The following PRKN variants were observed in gnomAD, a reference collection of about 807,000 sequenced individuals.
PRKN encodes parkin RBR E3 ubiquitin protein ligase.
Under a neutral mutation model 59.5 loss-of-function variants are expected in PRKN, and 56 were observed. The observed-to-expected ratio is 0.94, with a 90% CI of 0.76 to 1.18. The LOEUF (loss-of-function observed/expected upper bound fraction) is 1.18. Among genes scored for constraint, PRKN ranks in the 50% most tolerant of loss-of-function variants. PRKN has a pLI of 0.00. For synonymous variants in PRKN, 250 were observed against 222.1 expected (o/e 1.13, Z -1.12); for missense variants, 657 against 596.4 (o/e 1.10, Z -1.06).
intron 7 of PRKN, among the ~76,000 whole-genome samples, chr6:161,723,754 G>A (rs1787325044): frequency 6.6e-6 from 1 of 152,202 alleles, no homozygotes; most frequent in South Asian, 2.1e-4. Context: ...TCTGGGCACA[G>A]TCCTCCCCAT....
intron 3 of PRKN, among the ~76,000 whole-genome samples, chr6:162,218,611 C>T (rs1418572637): frequency 1.3e-5 from 2 of 152,096 alleles, no homozygotes; most frequent in Admixed American, 1.3e-4. Flanking sequence ...AATATGGAAA[C>T]CATTCATTAA....
rs573232229 is a variant in PRKN at position 162,025,829 on chromosome 6, T to A, written c.618+28262A>T. ...GTGTTGAACTCCTGACCTCAAGTGATCCACCCGCCTCAGCCTCCCAAAGTG... is the reference window on the plus strand; with the variant it reads ...GTGTTGAACTCCTGACCTCAAGTGAACCACCCGCCTCAGCCTCCCAAAGTG... On this transcript the variant is annotated intron_variant, in intron 5 of 11. Coordinates refer to ENST00000366898, the MANE Select transcript of PRKN (RefSeq NM_004562.3). 2.0e-5 allele frequency among the ~76,000 whole-genome samples: 3 copies of A among 151,886 alleles called. No homozygotes were observed. The South Asian group carries it at 6.3e-4, about 32-fold the overall frequency.
intron 6 of PRKN, among the ~76,000 whole-genome samples, chr6:161,953,476 T>A (rs1780060740): frequency 6.6e-6 from 1 of 151,952 alleles, no homozygotes; most frequent in South Asian, 2.1e-4. Flanking sequence ...GGATGGCAGG[T>A]CAAAAGAAGT....
chr6:161,615,778 G>A (rs566310096), intron 7 of PRKN, among the ~76,000 whole-genome samples: 4 of 152,352 alleles, frequency 2.6e-5, no homozygotes, highest in South Asian at 4.1e-4. Flanking sequence ...GGGAGCTGAT[G>A]GCTGCAGTGG....
rs572512695 is a variant in PRKN, at chr6:161,628,206, A to G, written c.872-58790T>C. ...AAGAGTGTAATAATTTGGCTGTTCA[A>G]TTAATTTGGTTTGAAGAAATGAGTG... On this transcript the variant is annotated intron_variant, in intron 7 of 11. Coordinates refer to ENST00000366898, the MANE Select transcript of PRKN (RefSeq NM_004562.3). Among the ~76,000 whole-genome samples, 76 of 152,320 alleles carry G rather than the reference A, an allele frequency of 5.0e-4. No homozygotes were observed. In the South Asian group the frequency reaches 6.0e-3, roughly 12 times the overall value.
chr6:161,482,768 T>G (rs1791469212), intron 9 of PRKN, among the ~76,000 whole-genome samples: 1 of 152,194 alleles, frequency 6.6e-6, no homozygotes, highest in Non-Finnish European at 1.5e-5. Flanking sequence ...CTGGGTCTTG[T>G]TTTTTTCTGC....
At chr6:161,590,463 T>C (rs767986721) in intron 7 of PRKN, among the ~76,000 whole-genome samples, 13 of 152,138 alleles carry the variant, frequency 8.5e-5, no homozygotes, top group Non-Finnish European at 1.8e-4. Context: ...CTGGGCGTGG[T>C]GGCGCACGCC....
intron 6 of PRKN, among the ~76,000 whole-genome samples, chr6:161,921,129 A>G (rs1017605443): frequency 2.6e-5 from 4 of 152,166 alleles, no homozygotes; most frequent in Non-Finnish European, 1.5e-5. Context: ...TGTATTCTAT[A>G]TGCTTTTTTT....
At chr6:161,806,979 T>C (rs1791355680) in intron 6 of PRKN, among the ~76,000 whole-genome samples, 1 of 152,204 alleles carries the variant, frequency 6.6e-6, no homozygotes, top group African/African-American at 2.4e-5. Context: ...CTGAACCTAA[T>C]GAGGATGGTA....
At chr6:162,309,327 A>G (rs1782370938) in intron 2 of PRKN, among the ~76,000 whole-genome samples, 1 of 152,056 alleles carries the variant, frequency 6.6e-6, no homozygotes, top group African/African-American at 2.4e-5. Context: ...ACCATGGCCA[A>G]CTAATTTTTG....
chr6:162,021,167 A>AT (rs1783161957), intron 5 of PRKN, among the ~76,000 whole-genome samples: 1 of 49,820 alleles, frequency 2.0e-5, no homozygotes, highest in Non-Finnish European at 4.3e-5. Context: ...TATATATATA[A>AT]AATATATGTG....
intron 6 of PRKN, among the ~76,000 whole-genome samples, chr6:161,918,822 A>G (rs1778673697): frequency 6.6e-6 from 1 of 152,206 alleles, no homozygotes; most frequent in Non-Finnish European, 1.5e-5. Flanking sequence ...GATGTTTAAT[A>G]TGACTAGTAA....
intron 2 of PRKN, among the ~76,000 whole-genome samples, chr6:162,339,202 G>A (rs9356005): frequency 1.3e-5 from 2 of 151,304 alleles, no homozygotes; most frequent in East Asian, 2.0e-4. Context: ...GAAGTGAGGA[G>A]CGTCTCCGCC....
At position 161,548,045 on chromosome 6, in the gene PRKN, A is replaced by C. The variant is rs142740337; in HGVS notation, c.1083+809T>G. Among the ~76,000 whole-genome samples the C allele has an allele frequency of 6.6e-3, 1,008 of 152,364 alleles. 17 individuals are homozygous for C. Among genetic ancestry groups the C allele is most frequent in the African/African-American group, 0.023 (965 of 41,592 alleles). On this transcript the variant is annotated intron_variant, in intron 9 of 11. Transcript: ENST00000366898. The surrounding 1 kb of genome is among the most constrained non-coding windows in gnomAD (Gnocchi z 4.2). ...CTCTGCTATCTGTGCTCCTTCTTGC[A>C]CAAAACTCCTCATGAAGTTGCAATT... is the stretch of plus-strand genomic sequence containing the variant.
At chr6:162,566,739 A>G (rs1780098750) in intron 1 of PRKN, among the ~76,000 whole-genome samples, 1 of 152,180 alleles carries the variant, frequency 6.6e-6, no homozygotes, top group Non-Finnish European at 1.5e-5. Flanking sequence ...TACTCAAACT[A>G]TTCCAAAAGA....
intron 6 of PRKN, among the ~76,000 whole-genome samples, chr6:161,858,565 C>T (rs1309373519): frequency 2.0e-5 from 3 of 152,140 alleles, no homozygotes; most frequent in Non-Finnish European, 4.4e-5. Context: ...CTTCTGCTCT[C>T]TGAATACCCA....
At chr6:161,596,197 C>T (rs543205070) in intron 7 of PRKN, among the ~76,000 whole-genome samples, 3 of 152,142 alleles carry the variant, frequency 2.0e-5, no homozygotes, top group African/African-American at 4.8e-5. Flanking sequence ...TGAGGCAGAA[C>T]GCAACTGCCT....
At chr6:161,691,120 C>T (rs1785777029) in intron 7 of PRKN, among the ~76,000 whole-genome samples, 1 of 152,052 alleles carries the variant, frequency 6.6e-6, no homozygotes, top group Non-Finnish European at 1.5e-5. Context: ...TCCACCTATT[C>T]CTCAATCCAT....
At chr6:162,284,161 T>C (rs1583313926) in intron 2 of PRKN, among the ~76,000 whole-genome samples, 1 of 151,778 alleles carries the variant, frequency 6.6e-6, no homozygotes, top group East Asian at 1.9e-4. Context: ...GTAAGAGTAA[T>C]TTCAGAGATT....
Sources: gnomAD v4.1 joint callset for allele counts (sites outside exome capture counted in the v4.1 genomes callset) on GRCh38, gnomAD v4.1.1 for gene constraint, Gnocchi (gnomAD v3.1) non-coding constraint, MANE v1.5 for transcripts, NCBI Gene and HGNC (gene_info 2026-07-23, HGNC 2026-07-21) for gene names.